The following BABAM1 variants were observed in gnomAD, a reference collection of about 807,000 sequenced individuals.
The protein encoded by BABAM1 is BRISC and BRCA1-A complex member 1.
BABAM1 carries 14 observed loss-of-function variants against 34.4 expected under a neutral mutation model. The observed-to-expected ratio is 0.41, with a 90% CI of 0.27 to 0.64. The LOEUF is 0.64. Among genes scored for constraint, BABAM1 ranks in the 30% least tolerant of loss-of-function variants. The probability of loss-of-function intolerance (pLI) is 0.34; values close to 1 mark genes in which losing one functional copy is unlikely to be tolerated. For synonymous variants in BABAM1, 169 were observed against 165.8 expected (o/e 1.02, Z -0.15); for missense variants, 393 against 434.0 (o/e 0.91, Z 0.84).
chr19:17,269,975 GAGTGC>G (rs1194368808), intron 2 of BABAM1, among the ~76,000 whole-genome samples: 25 of 150,684 alleles, frequency 1.7e-4, no homozygotes, highest in Non-Finnish European at 5.9e-5. Flanking sequence ...GCCCAGGCTG[GAGTGC>G]AGTGCAGTGG....
intron 3 of BABAM1, among the ~76,000 whole-genome samples, chr19:17,273,019 A>T (rs943345740): frequency 9.2e-5 from 14 of 152,258 alleles, no homozygotes; most frequent in African/African-American, 3.1e-4. Flanking sequence ...ACTCCATCTC[A>T]AAAAAAGTAA....
In BABAM1 at chr19:17,276,484, CG is replaced by C; in HGVS notation, c.570-8del. On this transcript the variant is annotated splice_polypyrimidine_tract_variant and intron_variant, in intron 6 of 8. Transcript: ENST00000598188. ...GGCTGCTCTGACTGCTCCCTCCTCC[CG>C]GGTATGCAGCCAGCAGAAAACTGAG... 6.3e-7 allele frequency: 1 copy of C among 1,587,252 alleles called. No individual in the cohort carries two copies. The highest frequency in any genetic ancestry group is 8.6e-7 in the Non-Finnish European group (1 of 1,167,630).
intron 5 of BABAM1, among the ~76,000 whole-genome samples, chr19:17,275,201 G>C (rs547428216): frequency 6.6e-6 from 1 of 151,918 alleles, no homozygotes; most frequent in Non-Finnish European, 1.5e-5. Context: ...CACCATACCC[G>C]GCCCCATTCT....
At chr19:17,272,561 C>A (rs188765196) in intron 3 of BABAM1, among the ~76,000 whole-genome samples, 5 of 151,740 alleles carry the variant, frequency 3.3e-5, no homozygotes, top group South Asian at 2.1e-4. Context: ...CCTGCCACCA[C>A]GCCTGGCTAA....
At chr19:17,272,618 G>T (rs1489107299) in intron 3 of BABAM1, among the ~76,000 whole-genome samples, 2 of 151,244 alleles carry the variant, frequency 1.3e-5, no homozygotes, top group Non-Finnish European at 3.0e-5. Flanking sequence ...TGTTAGCCAG[G>T]ATGGTCTCAA....
Position 17,276,497 on chromosome 19 carries a change from A to C in BABAM1, c.572A>C (p.Gln191Pro), listed in dbSNP as rs1044961359. The part of the protein sequence containing the change: ...FNLEGLFSLI[Q>P]QKTELPVTEN... The stretch of plus-strand genomic sequence containing the variant: ...GCTCCCTCCTCCCGGGTATGCAGCC[A>C]GCAGAAAACTGAGCTTCCGGTCACA... The change falls in exon 7 of 9, where the codon CAG becomes CCG. Residue 191 changes from glutamine to proline, a missense_variant and splice_region_variant. Physicochemically the swap from Gln to Pro is moderately conservative, Grantham distance 76. Transcript: ENST00000598188. 2.5e-6 allele frequency: 4 copies of C among 1,592,408 alleles called. No individual in the cohort carries two copies. In the Admixed American group the frequency reaches 7.0e-5, roughly 28 times the overall value.
Position 17,276,968 on chromosome 19 carries a change from C to T in BABAM1, c.786+59C>T, listed in dbSNP as rs181675820. 2.1e-4 allele frequency: 310 copies of T among 1,468,688 alleles called. 1 individual carries two copies. The African/African-American group carries it at 3.8e-3, about 18-fold the overall frequency. 91.0% of individuals were successfully genotyped at this position (1,468,688 alleles called of 1,614,324 possible). A position where few individuals can be genotyped will look rare whatever the true frequency, so the allele number is the denominator to read the frequency against. On this transcript the variant is annotated intron_variant, in intron 8 of 8. Transcript: ENST00000598188. ...GGTGTGGACAGGATGTCTTGGAACA[C>T]ACCTGCACTGGGTCTGGGGGTCTCT... is the stretch of plus-strand genomic sequence containing the variant.
intron 1 of BABAM1, among the ~76,000 whole-genome samples, chr19:17,267,918 T>G (rs1251128111): frequency 6.6e-6 from 1 of 152,026 alleles, no homozygotes; most frequent in Non-Finnish European, 1.5e-5. Context: ...AAAACCCTAC[T>G]CAATCTGGCT....
rs1056225246 is a variant in BABAM1, at chr19:17,276,803, G to A, written c.700-20G>A. 4 of 1,594,844 alleles carry A rather than the reference G, an allele frequency of 2.5e-6. No individual in the cohort carries two copies. In the Admixed American group the frequency reaches 5.3e-5, roughly 21 times the overall value. ...GGTGACCCAAGCCCCAGAGGCTGGT[G>A]TTCTTTACTTCCCCTGCAGAAAATG... On this transcript the variant is annotated intron_variant, in intron 7 of 8. Transcript: ENST00000598188.
At position 17,276,998 on chromosome 19, in the gene BABAM1, C is replaced by T; in HGVS notation, c.786+89C>T. Reference sequence around the variant, plus strand: ...GCACTGGGTCTGGGGGTCTCTACCTCCATTTGATACCCCTGGAACCCTGGT... The same window carrying T: ...GCACTGGGTCTGGGGGTCTCTACCTTCATTTGATACCCCTGGAACCCTGGT... On this transcript the variant is annotated intron_variant, in intron 8 of 8. Coordinates refer to ENST00000598188, the MANE Select transcript of BABAM1 (RefSeq NM_014173.4). The T allele has an allele frequency of 5.7e-6, 7 of 1,232,102 alleles. No individual in the cohort carries two copies. The South Asian group carries it at 9.4e-5, about 17-fold the overall frequency. 76.3% of individuals were successfully genotyped at this position (1,232,102 alleles called of 1,614,324 possible).
intron 2 of BABAM1, among the ~76,000 whole-genome samples, chr19:17,270,854 A>G (rs184240171): frequency 2.3e-4 from 35 of 149,784 alleles, no homozygotes; most frequent in African/African-American, 7.6e-4. Flanking sequence ...CGCCTGGCTA[A>G]TTTTTTTGTA....
At chr19:17,274,291 T>A in intron 5 of BABAM1, 106 bp downstream of exon 5, 1 of 1,407,150 alleles carries the variant, frequency 7.1e-7, no homozygotes, top group East Asian at 2.3e-5. Context: ...GAGGTTCAGA[T>A]CTCAGATCTG....
intron 5 of BABAM1, among the ~76,000 whole-genome samples, chr19:17,275,330 G>A (rs2073895640): frequency 1.3e-5 from 2 of 150,680 alleles, no homozygotes; most frequent in Non-Finnish European, 3.0e-5. Context: ...CGCTCTTGTT[G>A]CCCAGGCTGG....
chr19:17,268,638 A>T, intron 1 of BABAM1, 156 bp from the exon 2 acceptor site: 1 of 720,050 alleles, frequency 1.4e-6, no homozygotes. Context: ...CATGTTGGTC[A>T]GGCTGGTCTC....
rs879385411 is a variant in BABAM1, at chr19:17,278,410, G to C, written c.787-435G>C. 2.5e-4 allele frequency among the ~76,000 whole-genome samples: 38 copies of C among 151,250 alleles called. No individual in the cohort carries two copies. The South Asian group carries it at 5.5e-3, about 22-fold the overall frequency. On this transcript the variant is annotated intron_variant, in intron 8 of 8. Coordinates refer to ENST00000598188, the MANE Select transcript of BABAM1 (RefSeq NM_014173.4). ...TGCCAGCTCCGCCTCCCGGGTTTGC[G>C]CCATTCTCCTGCCTCAGCCTCCCGA...
At chr19:17,268,556 A>C in intron 1 of BABAM1, 1 of 355,218 alleles carries the variant, frequency 2.8e-6, no homozygotes, top group South Asian at 3.6e-5. Flanking sequence ...CAGCCTCCCG[A>C]GTAGCTGGGA....
intron 8 of BABAM1, among the ~76,000 whole-genome samples, chr19:17,278,484 AT>A (rs1017506447): frequency 1.9e-4 from 29 of 151,562 alleles, no homozygotes; most frequent in Admixed American, 1.9e-3. Context: ...AATTTTTTGT[AT>A]TTTTTAGTAG....
At chr19:17,272,547 G>T (rs2073853916) in intron 3 of BABAM1, among the ~76,000 whole-genome samples, 1 of 151,808 alleles carries the variant, frequency 6.6e-6, no homozygotes, top group Admixed American at 6.6e-5. Flanking sequence ...TGGGACTACA[G>T]GTGCCTGCCA....
chr19:17,278,675 G>A (rs566837751), intron 8 of BABAM1, among the ~76,000 whole-genome samples, 170 bp from the exon 9 acceptor site: 26 of 152,308 alleles, frequency 1.7e-4, no homozygotes, highest in African/African-American at 4.3e-4. Flanking sequence ...GGTCCATGGC[G>A]GGGAATGTTT....
Sources: allele counts gnomAD v4.1 joint callset (sites outside exome capture counted in the v4.1 genomes callset), GRCh38; gene constraint gnomAD v4.1.1; transcripts MANE v1.5; gene names NCBI Gene and HGNC (gene_info 2026-07-23, HGNC 2026-07-21).